The following NRG1 variants were observed in gnomAD, a reference collection of about 807,000 sequenced individuals.
NRG1 encodes the protein pro-neuregulin-1, membrane-bound isoform.
Under a neutral mutation model 63.8 loss-of-function variants are expected in NRG1, and 18 were observed. That is an observed-to-expected ratio of 0.28 (90% CI 0.19 to 0.42). The LOEUF (loss-of-function observed/expected upper bound fraction) is 0.42. Ranked by LOEUF, NRG1 falls within the 10% of genes least tolerant of loss-of-function variation. The pLI is 1.00. For synonymous variants in NRG1, 302 were observed against 301.3 expected (o/e 1.00, Z -0.02); for missense variants, 762 against 814.7 (o/e 0.94, Z 0.79).
chr8:32,421,951 T>A (rs959393820), intron 1 of NRG1, among the ~76,000 whole-genome samples: 1 of 152,110 alleles, frequency 6.6e-6, no homozygotes, highest in Non-Finnish European at 1.5e-5. Flanking sequence ...CAGACAGGCA[T>A]AACAGAACGG....
At chr8:31,648,947 T>C (rs553850970) in intron 1 of NRG1, among the ~76,000 whole-genome samples, 81 of 135,798 alleles carry the variant, frequency 6.0e-4, no homozygotes, top group Non-Finnish European at 1.0e-3. Flanking sequence ...TAATTCTTTT[T>C]TCTTTTTTTC....
At chr8:32,042,314 A>T (rs1025935168) in intron 1 of NRG1, among the ~76,000 whole-genome samples, 1 of 152,038 alleles carries the variant, frequency 6.6e-6, no homozygotes, top group Admixed American at 6.6e-5. Context: ...AAAGCTGGGC[A>T]TAGTGGCATG....
chr8:31,813,183 C>T (rs1036245214), intron 1 of NRG1, among the ~76,000 whole-genome samples: 1 of 152,164 alleles, frequency 6.6e-6, no homozygotes, highest in Non-Finnish European at 1.5e-5. Context: ...AAAGGATGAA[C>T]ATTTCTAGTT....
At chr8:32,432,685 T>G (rs922647513) in intron 1 of NRG1, among the ~76,000 whole-genome samples, 2 of 151,910 alleles carry the variant, frequency 1.3e-5, no homozygotes, top group Non-Finnish European at 2.9e-5. Flanking sequence ...AGAGACAGGG[T>G]TTCCACCATG....
chr8:32,602,595 G>A (rs73588625), intron 2 of NRG1, among the ~76,000 whole-genome samples: 1,637 of 152,026 alleles, frequency 0.011, 11 homozygotes, highest in Middle Eastern at 0.048. Context: ...CAGAATTTGG[G>A]GACTTAAGAA....
chr8:32,352,938 A>ATG (rs1410182811), intron 1 of NRG1, among the ~76,000 whole-genome samples: 42 of 122,646 alleles, frequency 3.4e-4, no homozygotes, highest in South Asian at 1.8e-3. Flanking sequence ...GACTATATAT[A>ATG]TGTGTGTGTG....
chr8:31,948,638 T>TTA (rs1349303964), intron 1 of NRG1, among the ~76,000 whole-genome samples: 1 of 152,156 alleles, frequency 6.6e-6, no homozygotes, highest in Non-Finnish European at 1.5e-5. Flanking sequence ...ATTTCAGAGG[T>TTA]TATCCTCTTT....
intron 1 of NRG1, among the ~76,000 whole-genome samples, chr8:32,147,431 A>T (rs1836995214): frequency 6.6e-6 from 1 of 152,342 alleles, no homozygotes; most frequent in African/African-American, 2.4e-5. Flanking sequence ...GCAGTCACTA[A>T]AAATGAAAAT....
intron 1 of NRG1, among the ~76,000 whole-genome samples, chr8:32,432,381 A>T (rs1818254166): frequency 6.6e-6 from 1 of 152,236 alleles, no homozygotes; most frequent in South Asian, 2.1e-4. Flanking sequence ...TTACAAAAAA[A>T]GAAATCTGAA....
chr8:32,533,845 G>A (rs981659143), intron 1 of NRG1, among the ~76,000 whole-genome samples: 2 of 152,026 alleles, frequency 1.3e-5, no homozygotes, highest in African/African-American at 2.4e-5. Context: ...TGCAGATAGC[G>A]CTTTGATCAA....
At chr8:31,878,871 G>T (rs1261360594) in intron 1 of NRG1, among the ~76,000 whole-genome samples, 1 of 152,138 alleles carries the variant, frequency 6.6e-6, no homozygotes, top group Non-Finnish European at 1.5e-5. Context: ...GAGAAAGTCT[G>T]AAATCAAGAC....
intron 1 of NRG1, among the ~76,000 whole-genome samples, chr8:31,739,459 C>T (rs185303768): frequency 1.3e-3 from 201 of 151,724 alleles, no homozygotes; most frequent in Non-Finnish European, 1.8e-3. Flanking sequence ...TGGTTCCGAG[C>T]TAATTTTATT....
At chr8:31,802,682 C>T (rs1264592425) in intron 1 of NRG1, among the ~76,000 whole-genome samples, 4 of 152,126 alleles carry the variant, frequency 2.6e-5, no homozygotes, top group African/African-American at 9.7e-5. Flanking sequence ...GCTTGTGTTG[C>T]ATGCTTTTGG....
At chr8:32,685,315 G>A (rs771719304) in intron 5 of NRG1, among the ~76,000 whole-genome samples, 5 of 152,040 alleles carry the variant, frequency 3.3e-5, no homozygotes, top group Non-Finnish European at 5.9e-5. Context: ...AGCGTGGTGG[G>A]GCCTCAATTT....
At chr8:32,409,275 A>G (rs1019433999) in intron 1 of NRG1, among the ~76,000 whole-genome samples, 1 of 152,186 alleles carries the variant, frequency 6.6e-6, no homozygotes, top group Admixed American at 6.5e-5. Context: ...AAAGATTTAA[A>G]TGTAATACCT....
rs529913368 is a variant in NRG1, at chr8:32,032,971, C to T, written c.37+393540C>T. On this transcript the variant is annotated intron_variant, in intron 1 of 10. Coordinates refer to the NRG1 transcript ENST00000519301. ...AAGGTGTAAGGAAGGGGTACAGTTT[C>T]AATTTTCTGCATATGGCTAGCCAGT... Among the ~76,000 whole-genome samples, 10 of 152,074 alleles carry T rather than the reference C, an allele frequency of 6.6e-5. No individual in the cohort carries two copies. In the East Asian group the frequency reaches 1.9e-3, roughly 29 times the overall value.
At chr8:31,792,828 C>A (rs950641718) in intron 1 of NRG1, among the ~76,000 whole-genome samples, 1 of 152,170 alleles carries the variant, frequency 6.6e-6, no homozygotes, top group Admixed American at 6.5e-5. Flanking sequence ...CATCCAAAAC[C>A]TAGACTTGGA....
intron 5 of NRG1, among the ~76,000 whole-genome samples, chr8:32,669,182 G>T (rs567905568): frequency 6.6e-6 from 1 of 152,240 alleles, no homozygotes; most frequent in East Asian, 1.9e-4. Flanking sequence ...ATGAGCATGG[G>T]ATTGATAAGG....
chr8:32,767,375 GTCTTA>G (rs1361990804), exon 12 of NRG1: 1 of 152,114 alleles, frequency 6.6e-6, no homozygotes, highest in Non-Finnish European at 1.5e-5. Flanking sequence ...GGAAGGCCTG[GTCTTA>G]TCTTGTATTA....
Sources: allele counts gnomAD v4.1 joint callset (sites outside exome capture counted in the v4.1 genomes callset), GRCh38; gene constraint gnomAD v4.1.1; transcripts MANE v1.5; gene names NCBI Gene and HGNC (gene_info 2026-07-23, HGNC 2026-07-21).